VWA8: variants seen among roughly 807,000 people sequenced by gnomAD.
The protein encoded by VWA8 is von Willebrand factor A domain-containing protein 8.
A neutral mutation model predicts 241.5 loss-of-function variants in VWA8; 221 were observed. The observed-to-expected ratio is 0.91, with a 90% CI of 0.82 to 1.02. The LOEUF (loss-of-function observed/expected upper bound fraction) is 1.02, where lower values mean the gene tolerates loss of function less well. VWA8 is among the 50% of genes least tolerant of loss of function. VWA8 has a pLI of 0.00. For missense variants in VWA8, 2,322 were observed against 2,328.7 expected (o/e 1.00, Z 0.06); for synonymous variants, 852 against 827.1 (o/e 1.03, Z -0.52).
intron 23 of VWA8, among the ~76,000 whole-genome samples, chr13:41,729,022 C>T (rs9532915): frequency 0.084 from 12,702 of 151,890 alleles, 539 homozygotes; most frequent in Middle Eastern, 0.11. Context: ...ATTAATCTAT[C>T]TTCATTTTTT....
chr13:41,838,022 C>T (rs980653838), intron 12 of VWA8, among the ~76,000 whole-genome samples: 1 of 152,112 alleles, frequency 6.6e-6, no homozygotes, highest in Non-Finnish European at 1.5e-5. Context: ...GTATCTCTTA[C>T]GATTCCATGT....
chr13:41,806,923 T>C (rs1244536614), intron 17 of VWA8, among the ~76,000 whole-genome samples: 2 of 151,528 alleles, frequency 1.3e-5, no homozygotes, highest in Non-Finnish European at 2.9e-5. Context: ...AGTTAGTTTT[T>C]TGCAAAGATA....
chr13:41,784,737 C>CACACATAT (rs1191810226), intron 18 of VWA8, among the ~76,000 whole-genome samples: 11 of 72,564 alleles, frequency 1.5e-4, no homozygotes, highest in South Asian at 5.7e-4. Context: ...TATACACACA[C>CACACATAT]ATATATATAT....
chr13:41,571,328 G>C (rs1045936853), intron 43 of VWA8, among the ~76,000 whole-genome samples: 7 of 98,458 alleles, frequency 7.1e-5, no homozygotes, highest in Non-Finnish European at 1.2e-4. Context: ...TCCCTCTCCC[G>C]TCTCCCTCTC....
At chr13:41,726,403 T>C (rs1377620802) in intron 24 of VWA8, among the ~76,000 whole-genome samples, 1 of 152,074 alleles carries the variant, frequency 6.6e-6, no homozygotes, top group Non-Finnish European at 1.5e-5. Flanking sequence ...AGTGTGAGAG[T>C]CCAGAATTAT....
chr13:41,598,169 T>C (rs1205474640), intron 40 of VWA8, among the ~76,000 whole-genome samples: 6 of 152,132 alleles, frequency 3.9e-5, no homozygotes, highest in Non-Finnish European at 8.8e-5. Flanking sequence ...AAAAGCATGA[T>C]TGAACTTATA....
chr13:41,766,826 C>T (rs534113197), intron 20 of VWA8, among the ~76,000 whole-genome samples: 8 of 152,288 alleles, frequency 5.3e-5, no homozygotes, highest in African/African-American at 1.9e-4. Context: ...CAGGCTTGCT[C>T]CTTGAGGCCA....
intron 43 of VWA8, among the ~76,000 whole-genome samples, chr13:41,571,259 T>C (rs2044299465): frequency 6.9e-6 from 1 of 144,998 alleles, no homozygotes; most frequent in Non-Finnish European, 1.5e-5. Context: ...TGATTGTATA[T>C]CTAGAAAACC....
chr13:41,793,538 G>A (rs1869546928), intron 17 of VWA8, among the ~76,000 whole-genome samples: 1 of 152,178 alleles, frequency 6.6e-6, no homozygotes, highest in South Asian at 2.1e-4. Context: ...TTTAGGTCGG[G>A]CACGGTGGCT....
At chr13:41,572,042 C>A (rs558796235) in intron 43 of VWA8, among the ~76,000 whole-genome samples, 1 of 152,252 alleles carries the variant, frequency 6.6e-6, no homozygotes, top group South Asian at 2.1e-4. Flanking sequence ...CGACCACCAC[C>A]CCATCTGGGA....
At chr13:41,648,840 GA>G (rs1282305181) in intron 37 of VWA8, among the ~76,000 whole-genome samples, 1 of 152,204 alleles carries the variant, frequency 6.6e-6, no homozygotes, top group Admixed American at 6.5e-5. Flanking sequence ...AATGCTTTAA[GA>G]GATAGTTTAA....
At chr13:41,921,790 C>T (rs1325221390) in intron 2 of VWA8, among the ~76,000 whole-genome samples, 1 of 152,116 alleles carries the variant, frequency 6.6e-6, no homozygotes, top group Admixed American at 6.6e-5. Flanking sequence ...AAAGAGGACA[C>T]AAACAAATGG....
At chr13:41,951,226 G>T (rs1878121787) in intron 1 of VWA8, among the ~76,000 whole-genome samples, 2 of 151,928 alleles carry the variant, frequency 1.3e-5, no homozygotes, top group Admixed American at 1.3e-4. Flanking sequence ...AGACCAGCCT[G>T]ACCAACATGG....
intron 34 of VWA8, among the ~76,000 whole-genome samples, chr13:41,688,660 C>T (rs1041558710): frequency 1.3e-5 from 2 of 152,126 alleles, no homozygotes; most frequent in Non-Finnish European, 2.9e-5. Context: ...ATAAATCTAT[C>T]TTCATGACTG....
At chr13:41,694,429 T>C (rs1484429803) in intron 29 of VWA8, among the ~76,000 whole-genome samples, 1 of 152,048 alleles carries the variant, frequency 6.6e-6, no homozygotes, top group African/African-American at 2.4e-5. Context: ...CTGTATAAGA[T>C]ATAATTCTCC....
intron 42 of VWA8, among the ~76,000 whole-genome samples, chr13:41,584,456 T>C (rs560330837): frequency 9.2e-5 from 14 of 152,242 alleles, no homozygotes; most frequent in Non-Finnish European, 1.5e-4. Context: ...GTCCACCTTG[T>C]CCCTCCAGAC....
intron 2 of VWA8, among the ~76,000 whole-genome samples, chr13:41,916,206 C>T (rs1876248326): frequency 6.6e-6 from 1 of 152,182 alleles, no homozygotes. Context: ...TTGTTAAATA[C>T]TCATTACTCC....
intron 9 of VWA8, among the ~76,000 whole-genome samples, chr13:41,880,938 C>T (rs1874140688): frequency 6.6e-6 from 1 of 152,216 alleles, no homozygotes; most frequent in Admixed American, 6.5e-5. Flanking sequence ...CCTTTGATGA[C>T]TCCTGTCTAA....
At position 41,583,657 on chromosome 13, in the gene VWA8, A is replaced by C. The variant is rs1355380012; in HGVS notation, c.5271+3855T>G. Among the ~76,000 whole-genome samples, 744 of 151,364 alleles carry C rather than the reference A, an allele frequency of 4.9e-3. 10 individuals carry two copies. The highest frequency in any genetic ancestry group is 0.017 in the African/African-American group (696 of 41,218). ...GACTCCATCTCAAAAAAAAAAAAAA[A>C]AAAAACAAACAAAAAAAGAATCTAT... On this transcript the variant is annotated intron_variant, in intron 42 of 44. Coordinates refer to ENST00000379310, the MANE Select transcript of VWA8 (RefSeq NM_015058.2).
Sources: allele counts gnomAD v4.1 joint callset (sites outside exome capture counted in the v4.1 genomes callset), GRCh38; gene constraint gnomAD v4.1.1; transcripts MANE v1.5; gene names NCBI Gene and HGNC (gene_info 2026-07-23, HGNC 2026-07-21).